AGK: variants seen among roughly 807,000 people sequenced by gnomAD.
The protein encoded by AGK is acylglycerol kinase.
Under a neutral mutation model 66.4 loss-of-function variants are expected in AGK, and 52 were observed. That is an observed-to-expected ratio of 0.78 (90% confidence interval 0.63 to 0.99). The LOEUF (loss-of-function observed/expected upper bound fraction) is 0.99. Ranked by LOEUF, AGK falls within the 50% of genes least tolerant of loss-of-function variation. The probability of loss-of-function intolerance (pLI) is 0.00; values close to 1 mark genes in which losing one functional copy is unlikely to be tolerated. For missense variants in AGK, 451 were observed against 506.6 expected (o/e 0.89, Z 1.05); for synonymous variants, 182 against 181.1 (o/e 1.00, Z -0.04).
chr7:141,638,251 A>G (rs1587158399), intron 11 of AGK, among the ~76,000 whole-genome samples: 1 of 152,130 alleles, frequency 6.6e-6, no homozygotes, highest in African/African-American at 2.4e-5. Context: ...ATCTAAATCT[A>G]ATGAGGGTCA....
chr7:141,633,762 A>G, intron 9 of AGK, 139 bp from the exon 10 acceptor site: 1 of 693,716 alleles, frequency 1.4e-6, no homozygotes. Flanking sequence ...CACAGGGTTA[A>G]TGTCTTTAAT....
chr7:141,590,815 G>C (rs1043640233), intron 2 of AGK, among the ~76,000 whole-genome samples: 3 of 152,160 alleles, frequency 2.0e-5, no homozygotes, highest in African/African-American at 7.2e-5. Flanking sequence ...AAGAAGAAAA[G>C]TGAAACATGA....
intron 2 of AGK, among the ~76,000 whole-genome samples, chr7:141,560,795 CTTT>C (rs71172604): frequency 4.0e-5 from 5 of 124,006 alleles, no homozygotes; most frequent in Admixed American, 9.2e-5. Flanking sequence ...GCCATTCTTT[CTTT>C]TTTTTTTTTT....
At chr7:141,582,221 C>T (rs1795896935) in intron 2 of AGK, among the ~76,000 whole-genome samples, 1 of 151,988 alleles carries the variant, frequency 6.6e-6, no homozygotes, top group Non-Finnish European at 1.5e-5. Flanking sequence ...CATTCCTTGG[C>T]CCAGTGACCA....
intron 2 of AGK, among the ~76,000 whole-genome samples, chr7:141,559,201 G>A (rs1795282588): frequency 6.6e-6 from 1 of 152,130 alleles, no homozygotes; most frequent in African/African-American, 2.4e-5. Flanking sequence ...TAAATCCAGT[G>A]TCATGAAGCT....
In AGK at chr7:141,598,127, C is replaced by T. The variant is rs967969216; in HGVS notation, c.221+1486C>T. 6.6e-6 allele frequency among the ~76,000 whole-genome samples: 1 copy of T among 152,082 alleles called. No homozygotes were observed. Among genetic ancestry groups the T allele is most frequent in the Non-Finnish European group, 1.5e-5 (1 of 68,030 alleles). On this transcript the variant is annotated intron_variant, in intron 4 of 15. Transcript: ENST00000649286. This position sits in a 1 kb window ranked among gnomAD's most constrained non-coding sequence, Gnocchi z 4.2. ...TTGAGAGGCAGTGAGTGTGACTTCA[C>T]AGACAGGAGGACACATCCTGCTTTA...
chr7:141,597,523 A>T (rs369309762), intron 4 of AGK, among the ~76,000 whole-genome samples: 1 of 152,160 alleles, frequency 6.6e-6, no homozygotes, highest in Admixed American at 6.5e-5. Context: ...TTAAAAAGTG[A>T]TATCTCTTAT....
chr7:141,621,570 G>A (rs922600853), intron 8 of AGK, among the ~76,000 whole-genome samples, 162 bp from the exon 9 acceptor site: 4 of 152,024 alleles, frequency 2.6e-5, no homozygotes, highest in Admixed American at 6.6e-5. Context: ...ACTTTGGCAG[G>A]AGGGAGGGAG....
intron 3 of AGK, among the ~76,000 whole-genome samples, chr7:141,594,954 T>C: frequency 6.6e-6 from 1 of 152,192 alleles, no homozygotes; most frequent in Non-Finnish European, 1.5e-5. Context: ...CCTGGCCTTA[T>C]TTCTTTCTAT....
intron 8 of AGK, among the ~76,000 whole-genome samples, chr7:141,618,438 A>T (rs1173138501): frequency 6.6e-6 from 1 of 152,204 alleles, no homozygotes; most frequent in Admixed American, 6.5e-5. Context: ...TTAAAAAGCT[A>T]AAGTAGGTCT....
intron 2 of AGK, among the ~76,000 whole-genome samples, chr7:141,592,715 G>GT (rs1796147825): frequency 1.3e-5 from 2 of 151,460 alleles, no homozygotes; most frequent in African/African-American, 4.9e-5. Context: ...TTTGTTTTTT[G>GT]TTTTTTTCAG....
intron 11 of AGK, among the ~76,000 whole-genome samples, chr7:141,637,938 T>C (rs1478753309): frequency 6.6e-6 from 1 of 152,202 alleles, no homozygotes; most frequent in African/African-American, 2.4e-5. Flanking sequence ...GGGCAAGGTC[T>C]TTATATACCA....
intron 2 of AGK, among the ~76,000 whole-genome samples, chr7:141,587,729 A>G (rs138898783): frequency 7.5e-4 from 114 of 152,270 alleles, no homozygotes; most frequent in African/African-American, 2.7e-3. Flanking sequence ...TGCCCCCATT[A>G]TGTGCCCCTT....
At position 141,652,866 on chromosome 7, in the gene AGK, T is replaced by A; in HGVS notation, c.1211T>A (p.Leu404Gln). Reference protein sequence around the residue: ...PVEVKLLPRKLQFFCDPRKRE... With the variant: ...PVEVKLLPRKQQFFCDPRKRE... ...GAGGTGAAACTGCTCCCCAGGAAGC[T>A]GCAGTTCTTCTGTGATCCTAGGAAG... is the stretch of plus-strand genomic sequence containing the variant. The change falls in exon 16 of 16, where the codon CTG (leucine) becomes CAG (glutamine). Residue 404 changes from leucine to glutamine, a missense_variant. Coordinates refer to ENST00000649286, the MANE Select transcript of AGK (RefSeq NM_018238.4). 2 of 1,614,038 alleles carry A rather than the reference T, an allele frequency of 1.2e-6. No homozygotes were observed. The highest frequency in any genetic ancestry group is 1.7e-6 in the Non-Finnish European group (2 of 1,179,996).
intron 15 of AGK, 50 bp downstream of exon 15, chr7:141,651,659 G>A (rs567648799): frequency 1.4e-5 from 21 of 1,534,598 alleles, no homozygotes; most frequent in East Asian, 9.0e-5. Flanking sequence ...GTTCGTCATC[G>A]GCCTGCCCCT....
chr7:141,614,335 T>C (rs1413818988), intron 7 of AGK, among the ~76,000 whole-genome samples, 157 bp downstream of exon 7: 1 of 152,164 alleles, frequency 6.6e-6, no homozygotes, highest in Non-Finnish European at 1.5e-5. Flanking sequence ...ACCCATGTCA[T>C]AGAACACGTA....
intron 2 of AGK, among the ~76,000 whole-genome samples, chr7:141,560,795 C>CTTTTTTT (rs71172604): frequency 2.4e-5 from 3 of 123,996 alleles, no homozygotes; most frequent in Non-Finnish European, 3.3e-5. Flanking sequence ...GCCATTCTTT[C>CTTTTTTT]TTTTTTTTTT....
chr7:141,630,635 A>G lies in AGK; in HGVS notation c.589-3266A>G, dbSNP rs566814563. 7.2e-5 allele frequency among the ~76,000 whole-genome samples: 11 copies of G among 152,216 alleles called. No homozygotes were observed. The East Asian group carries it at 1.9e-3, about 27-fold the overall frequency. Reference sequence around the variant, plus strand: ...GTACAATTGTACCTACTTCCCTGATACTCAATAGGTATCTCAATATAAATC... The same window carrying G: ...GTACAATTGTACCTACTTCCCTGATGCTCAATAGGTATCTCAATATAAATC... On this transcript the variant is annotated intron_variant, in intron 9 of 15. Transcript: ENST00000649286.
Position 141,627,924 on chromosome 7 carries a change from C to T in AGK, c.589-5977C>T, listed in dbSNP as rs1054495340. 2.6e-5 allele frequency among the ~76,000 whole-genome samples: 4 copies of T among 152,338 alleles called. No homozygotes were observed. The South Asian group carries it at 8.3e-4, about 32-fold the overall frequency. The stretch of plus-strand genomic sequence containing the variant: ...TGAGACGGAGTCTCACTCTGTCACC[C>T]AGGCTGAAGTGCAGTGGCACAATCT... On this transcript the variant is annotated intron_variant, in intron 9 of 15. Transcript: ENST00000649286.
Sources: gnomAD v4.1 joint callset for allele counts (sites outside exome capture counted in the v4.1 genomes callset) on GRCh38, gnomAD v4.1.1 for gene constraint, Gnocchi (gnomAD v3.1) non-coding constraint, MANE v1.5 for transcripts, NCBI Gene and HGNC (gene_info 2026-07-23, HGNC 2026-07-21) for gene names.